CAMK2D: variants seen among roughly 807,000 people sequenced by gnomAD.
The protein encoded by CAMK2D is calcium/calmodulin dependent protein kinase II delta.
CAMK2D carries 37 observed loss-of-function variants against 84.0 expected under a neutral mutation model. That is an observed-to-expected ratio of 0.44 (90% CI 0.34 to 0.58). The LOEUF is 0.58. CAMK2D is among the 20% of genes least tolerant of loss of function. The pLI, the probability that CAMK2D is intolerant of heterozygous loss-of-function variation, is 0.02. For synonymous variants in CAMK2D, 202 were observed against 212.5 expected, an observed-to-expected ratio of 0.95 and a Z score of 0.43; for missense variants, 448 against 652.5, an observed-to-expected ratio of 0.69 and a Z score of 3.41.
intron 4 of CAMK2D, among the ~76,000 whole-genome samples, chr4:113,576,327 C>T (rs958342821): frequency 1.3e-5 from 2 of 152,064 alleles, no homozygotes; most frequent in Non-Finnish European, 2.9e-5. Flanking sequence ...CTTTACCAAC[C>T]CCTCACCTTT....
chr4:113,680,318 G>A (rs1263279359), intron 2 of CAMK2D, among the ~76,000 whole-genome samples: 1 of 152,148 alleles, frequency 6.6e-6, no homozygotes. Context: ...TCAAACCAGT[G>A]GAGCACTCTA....
intron 2 of CAMK2D, among the ~76,000 whole-genome samples, chr4:113,704,851 G>A (rs1215571428): frequency 6.6e-6 from 1 of 151,958 alleles, no homozygotes; most frequent in Non-Finnish European, 1.5e-5. Context: ...TTACAGTTCT[G>A]GAAGTTATAC....
chr4:113,557,986 G>GT (rs1185366594), intron 4 of CAMK2D, among the ~76,000 whole-genome samples: 2 of 152,138 alleles, frequency 1.3e-5, no homozygotes, highest in Non-Finnish European at 2.9e-5. Flanking sequence ...ATAACCTTTG[G>GT]TCCCTGAGAT....
In CAMK2D at chr4:113,542,526, T is replaced by G. The variant is rs190058743; in HGVS notation, c.415-5083A>C. Among the ~76,000 whole-genome samples the G allele has an allele frequency of 2.1e-4, 32 of 152,158 alleles. No individual in the cohort carries two copies. The East Asian group carries it at 5.8e-3, about 28-fold the overall frequency. ...GTCAGGAGATCAACACCATCCTGGC[T>G]AACACAGTGAAACCCTGTTTCTACT... On this transcript the variant is annotated intron_variant, in intron 6 of 20. Transcript: ENST00000511664.
chr4:113,498,632 T>C (rs1453829952), intron 16 of CAMK2D, among the ~76,000 whole-genome samples: 1 of 152,240 alleles, frequency 6.6e-6, no homozygotes, highest in Non-Finnish European at 1.5e-5. Flanking sequence ...AGACTCAATG[T>C]AATTATAAAT....
At chr4:113,522,417 C>A (rs1015648105) in intron 8 of CAMK2D, among the ~76,000 whole-genome samples, 2 of 152,134 alleles carry the variant, frequency 1.3e-5, no homozygotes, top group African/African-American at 2.4e-5. Flanking sequence ...AATGGAAAAT[C>A]ATCATACATT....
intron 2 of CAMK2D, among the ~76,000 whole-genome samples, chr4:113,670,927 CAA>C (rs550687003): frequency 7.0e-6 from 1 of 143,714 alleles, no homozygotes. Context: ...GACTCCGTCT[CAA>C]AAAAAAAAAG....
intron 3 of CAMK2D, among the ~76,000 whole-genome samples, chr4:113,657,031 G>A (rs1375040960): frequency 1.3e-5 from 2 of 152,078 alleles, no homozygotes; most frequent in Non-Finnish European, 2.9e-5. Flanking sequence ...AATCTTGTTA[G>A]TCCAGTTCAG....
intron 3 of CAMK2D, among the ~76,000 whole-genome samples, chr4:113,627,042 GTTT>G (rs2099070939): frequency 6.6e-6 from 1 of 151,910 alleles, no homozygotes; most frequent in African/African-American, 2.4e-5. Context: ...AAATAGGCTT[GTTT>G]TATACATGAA....
chr4:113,717,399 C>T lies in CAMK2D; in HGVS notation c.160+41921G>A, dbSNP rs150640750. On this transcript the variant is annotated intron_variant, in intron 2 of 20. Transcript: ENST00000511664. ...AATGTAGGTGATAAAGTAAGATTTACAGGAACCTTTTGGATAATCTCGTAT... is the reference window on the plus strand; with the variant it reads ...AATGTAGGTGATAAAGTAAGATTTATAGGAACCTTTTGGATAATCTCGTAT... Among the ~76,000 whole-genome samples, 543 of 152,092 alleles carry T rather than the reference C, an allele frequency of 3.6e-3. 2 individuals are homozygous for T. The highest frequency in any genetic ancestry group is 5.5e-3 in the Non-Finnish European group (372 of 67,956).
intron 2 of CAMK2D, among the ~76,000 whole-genome samples, chr4:113,672,128 TATA>T (rs1442752698): frequency 1.4e-4 from 22 of 152,282 alleles, no homozygotes; most frequent in African/African-American, 4.6e-4. Flanking sequence ...TCAGATAATT[TATA>T]ATATTAACTT....
At chr4:113,504,493 G>C (rs2098100132) in intron 14 of CAMK2D, among the ~76,000 whole-genome samples, 1 of 152,182 alleles carries the variant, frequency 6.6e-6, no homozygotes, top group African/African-American at 2.4e-5. Context: ...ACAAAGCCCT[G>C]TTGTGTTTTA....
At chr4:113,728,499 C>T (rs2099552850) in intron 2 of CAMK2D, among the ~76,000 whole-genome samples, 1 of 152,166 alleles carries the variant, frequency 6.6e-6, no homozygotes, top group African/African-American at 2.4e-5. Context: ...AAGGAACATT[C>T]TGTAGTGCTA....
intron 2 of CAMK2D, among the ~76,000 whole-genome samples, chr4:113,720,861 T>C (rs1438857327): frequency 6.6e-6 from 1 of 152,150 alleles, no homozygotes; most frequent in Non-Finnish European, 1.5e-5. Context: ...TCAGATATGA[T>C]GCCCAATTGT....
chr4:113,558,154 ACACT>A (rs1203390943), intron 4 of CAMK2D, among the ~76,000 whole-genome samples: 1 of 152,204 alleles, frequency 6.6e-6, no homozygotes, highest in African/African-American at 2.4e-5. Flanking sequence ...GAGAAATAAC[ACACT>A]CACGTAACTC....
intron 15 of CAMK2D, 68 bp downstream of exon 15, chr4:113,502,867 AT>A: frequency 4.6e-6 from 5 of 1,095,512 alleles, no homozygotes; most frequent in Non-Finnish European, 7.0e-6. Context: ...TAACGAATTA[AT>A]TTTTTTGAAT....
intron 8 of CAMK2D, among the ~76,000 whole-genome samples, chr4:113,528,717 AAT>A (rs1343034013): frequency 6.6e-6 from 1 of 152,184 alleles, no homozygotes; most frequent in Non-Finnish European, 1.5e-5. Flanking sequence ...TACTTTAAAA[AAT>A]ATGATTGTAT....
intron 3 of CAMK2D, among the ~76,000 whole-genome samples, chr4:113,658,377 G>C (rs888837573): frequency 6.6e-6 from 1 of 152,086 alleles, no homozygotes; most frequent in Non-Finnish European, 1.5e-5. Context: ...CCCTTATGCA[G>C]GCTATTGGTT....
chr4:113,556,103 A>G (rs2098662909), intron 4 of CAMK2D, among the ~76,000 whole-genome samples: 1 of 152,182 alleles, frequency 6.6e-6, no homozygotes, highest in African/African-American at 2.4e-5. Flanking sequence ...TAAGCAGCCC[A>G]AAAGACTAAG....
Sources: gnomAD v4.1 joint callset for allele counts (sites outside exome capture counted in the v4.1 genomes callset) on GRCh38, gnomAD v4.1.1 for gene constraint, MANE v1.5 for transcripts, NCBI Gene and HGNC (gene_info 2026-07-23, HGNC 2026-07-21) for gene names.